The following DENND4C variants were observed in gnomAD, a reference collection of about 807,000 sequenced individuals.
DENND4C encodes DENN domain containing 4C.
In DENND4C, 108 loss-of-function variants were observed where a neutral mutation model predicts 203.0. That is an observed-to-expected ratio of 0.53 (90% confidence interval 0.46 to 0.62). The LOEUF (loss-of-function observed/expected upper bound fraction) is 0.62, where lower values mean the gene tolerates loss of function less well. Among genes scored for constraint, DENND4C ranks in the 20% least tolerant of loss-of-function variants. The pLI is 0.00. For missense variants in DENND4C, 2,481 were observed against 2,301.2 expected (o/e 1.08, Z -1.60); for synonymous variants, 871 against 792.4 (o/e 1.10, Z -1.67).
Position 19,356,992 on chromosome 9 carries a change from C to A in DENND4C, c.4802C>A (p.Thr1601Asn). Residue 1601 changes from threonine to asparagine, a missense_variant, in exon 27 of 33, where the codon ACC becomes AAC. Physicochemically the swap from Thr to Asn is moderately conservative, Grantham distance 65. This residue lies in a region of DENND4C where 2,289 missense variants were observed against 2,113.3 expected (regional missense o/e 1.08). Transcript: ENST00000434457. ...TGTAGCTTTTTCCTGAAACCAAGTA[C>A]CTCTGGTGACAGTTTACAAAGTGGA... Reference protein sequence around the residue: ...GSASFFLKPSTSGDSLQSGSI... With the variant: ...GSASFFLKPSNSGDSLQSGSI... The A allele has an allele frequency of 6.2e-7, 1 of 1,613,776 alleles. No individual in the cohort carries two copies. The highest frequency in any genetic ancestry group is 8.5e-7 in the Non-Finnish European group (1 of 1,179,806).
intron 1 of DENND4C, among the ~76,000 whole-genome samples, chr9:19,275,315 C>CA (rs1832675564): frequency 9.4e-6 from 1 of 106,578 alleles, no homozygotes. Context: ...TTTTTTGAGA[C>CA]AGAGTCTCAC....
intron 1 of DENND4C, among the ~76,000 whole-genome samples, chr9:19,260,186 G>T (rs1196053858): frequency 6.6e-6 from 1 of 152,126 alleles, no homozygotes; most frequent in Non-Finnish European, 1.5e-5. Context: ...TCTCATTTTA[G>T]TTTTGATCAA....
chr9:19,360,402 C>T lies in DENND4C; in HGVS notation c.5319C>T (p.Asn1773=). 6.2e-7 allele frequency: 1 copy of T among 1,614,056 alleles called. No individual in the cohort carries two copies. ...FINQHPIIFW[N]LVWYFRRLDL... ...ATCAACATCCAATCATTTTCTGGAA[C>T]CTCGTTTGGTATTTCAGACGTTTGG... The change falls in exon 29 of 33, where the codon AAC becomes AAT. Residue 1773 remains asparagine, a synonymous_variant. Coordinates refer to ENST00000434457, the MANE Select transcript of DENND4C (RefSeq NM_001330640.2).
rs542086159 is a variant in DENND4C, at chr9:19,369,941, A to G, written c.5629A>G (p.Ile1877Val). ...TCAGCACAATAATGTTCTTAAACCC[A>G]TCAACCTACTTTCACAGCAAATGAA... is the stretch of plus-strand genomic sequence containing the variant. ...SIQHNNVLKP[I>V]NLLSQQMKPG... The change falls in exon 31 of 33, where the codon ATC (isoleucine) becomes GTC (valine). Residue 1877 changes from isoleucine (I) to valine (V), a missense_variant. Transcript: ENST00000434457. 21 of 1,613,972 alleles carry G rather than the reference A, an allele frequency of 1.3e-5. No homozygotes were observed. Among genetic ancestry groups the G allele is most frequent in the Admixed American group, 6.7e-5 (4 of 59,998 alleles).
intron 7 of DENND4C, among the ~76,000 whole-genome samples, chr9:19,298,582 C>T (rs530365004): frequency 2.6e-5 from 4 of 152,150 alleles, no homozygotes; most frequent in South Asian, 4.1e-4. Flanking sequence ...ACATATGCAA[C>T]ATGAACAGGT....
At chr9:19,265,948 T>C (rs1167120618) in intron 1 of DENND4C, among the ~76,000 whole-genome samples, 5 of 152,218 alleles carry the variant, frequency 3.3e-5, no homozygotes, top group African/African-American at 1.2e-4. Flanking sequence ...CAGCATGATT[T>C]TTAATCCTTT....
intron 10 of DENND4C, among the ~76,000 whole-genome samples, chr9:19,306,607 T>A (rs1839703506): frequency 1.3e-5 from 2 of 152,080 alleles, no homozygotes; most frequent in Non-Finnish European, 2.9e-5. Context: ...ATACTCAGAT[T>A]TTTTACCTTA....
intron 20 of DENND4C, among the ~76,000 whole-genome samples, chr9:19,337,216 A>C (rs1279025714): frequency 6.6e-6 from 1 of 152,250 alleles, no homozygotes; most frequent in East Asian, 1.9e-4. Context: ...AGAGGGAAGG[A>C]AGGAAGTCAC....
chr9:19,315,610 C>CGTGT (rs1841687754), intron 10 of DENND4C, among the ~76,000 whole-genome samples: 1 of 148,398 alleles, frequency 6.7e-6, no homozygotes, highest in Non-Finnish European at 1.5e-5. Context: ...TATATATATA[C>CGTGT]ACACACACAT....
rs1828974039 is a variant in DENND4C at position 19,372,236 on chromosome 9, C to A, written c.*63C>A. 1.3e-6 allele frequency: 2 copies of A among 1,548,552 alleles called. No individual in the cohort carries two copies. The highest frequency in any genetic ancestry group is 1.7e-6 in the Non-Finnish European group (2 of 1,147,988). On this transcript the variant is annotated 3_prime_UTR_variant, in exon 33 of 33. Coordinates refer to ENST00000434457, the MANE Select transcript of DENND4C (RefSeq NM_001330640.2). ...GGATTAGATTTCATCTGGAAACATT[C>A]AAGTTTTTTTTTCCAAATCGTAAGA... is the stretch of plus-strand genomic sequence containing the variant.
intron 4 of DENND4C, among the ~76,000 whole-genome samples, chr9:19,290,076 G>GAAATCTCTATATATA (rs1835978880): frequency 2.0e-5 from 3 of 152,078 alleles, no homozygotes; most frequent in Non-Finnish European, 4.4e-5. Flanking sequence ...ACTTAGAGAT[G>GAAATCTCTATATATA]GTCTATATAT....
chr9:19,316,633 C>T lies in DENND4C; in HGVS notation c.1601C>T (p.Thr534Ile), dbSNP rs772317272. 6.2e-7 allele frequency: 1 copy of T among 1,613,276 alleles called. No individual in the cohort carries two copies. Among genetic ancestry groups the T allele is most frequent in the Non-Finnish European group, 8.5e-7 (1 of 1,179,760 alleles). Residue 534 changes from threonine (T) to isoleucine (I), a missense_variant, in exon 12 of 33, where the codon ACT (threonine) becomes ATT (isoleucine). Physicochemically the swap from Thr to Ile is moderately conservative, Grantham distance 89 (BLOSUM62 -1). Around this residue, in one of 3 missense-constraint regions of DENND4C, gnomAD observed 2,289 missense variants for 2,113.3 expected, o/e 1.08. Coordinates refer to ENST00000434457, the MANE Select transcript of DENND4C (RefSeq NM_001330640.2). The part of the protein sequence containing the change: ...YPQLSSVHQK[T>I]QEGSAIDMTP... ...TTTCCTTTGTTAGTTCACCAAAAAA[C>T]TCAAGAAGGCTCAGCGATTGACATG...
At chr9:19,342,576 G>A (rs2131948855) in intron 21 of DENND4C, 57 bp from the exon 22 acceptor site, 1 of 1,504,670 alleles carries the variant, frequency 6.6e-7, no homozygotes, top group Non-Finnish European at 8.9e-7. Flanking sequence ...TCAATATATG[G>A]TTTCTGTTTA....
In DENND4C at chr9:19,248,637, G is replaced by A. The variant is rs183495043; in HGVS notation, c.-18+17804G>A. Among the ~76,000 whole-genome samples the A allele has an allele frequency of 8.5e-4, 129 of 152,092 alleles. 1 individual carries two copies. Among genetic ancestry groups the A allele is most frequent in the Middle Eastern group, 3.4e-3 (1 of 294 alleles). On this transcript the variant is annotated intron_variant, in intron 1 of 32. Coordinates refer to ENST00000434457, the MANE Select transcript of DENND4C (RefSeq NM_001330640.2). ...ACTCCCGACCTCAGATGATCTGCCC[G>A]CCTCAGCTTCCCTAAATGCTGGGAT...
At chr9:19,292,560 T>C (rs1194768271) in intron 5 of DENND4C, 1 of 150,584 alleles carries the variant, frequency 6.6e-6, no homozygotes, top group Non-Finnish European at 1.5e-5. Flanking sequence ...TTTTTTTTTT[T>C]TTGAGACGAA....
At chr9:19,370,687 T>TA (rs1828663880) in intron 31 of DENND4C, among the ~76,000 whole-genome samples, 1 of 152,340 alleles carries the variant, frequency 6.6e-6, no homozygotes. Context: ...AGCAAAGAGA[T>TA]AGACGCAGTG....
intron 1 of DENND4C, among the ~76,000 whole-genome samples, chr9:19,244,512 G>A (rs1023965572): frequency 2.6e-5 from 4 of 151,502 alleles, no homozygotes; most frequent in African/African-American, 7.3e-5. Flanking sequence ...AGGCTGAGGC[G>A]GGAGGAGCAT....
Position 19,248,112 on chromosome 9 carries a change from C to G in DENND4C, c.-18+17279C>G, listed in dbSNP as rs999456240. Among the ~76,000 whole-genome samples the G allele has an allele frequency of 1.4e-4, 22 of 152,268 alleles. 2 individuals are homozygous for G. Among genetic ancestry groups the G allele is most frequent in the Admixed American group, 4.6e-4 (7 of 15,292 alleles). ...AACATAAATGGTAACATGTCACTCT[C>G]ATTTGAAGGCCCCTCATAGTTTTTC... On this transcript the variant is annotated intron_variant, in intron 1 of 32. Coordinates refer to ENST00000434457, the MANE Select transcript of DENND4C (RefSeq NM_001330640.2).
At chr9:19,304,596 G>T (rs201783221) in intron 9 of DENND4C, among the ~76,000 whole-genome samples, 12 of 151,192 alleles carry the variant, frequency 7.9e-5, no homozygotes, top group African/African-American at 2.2e-4. Flanking sequence ...GAGTGCAGTG[G>T]CACAGTCTCT....
Sources: gnomAD v4.1 joint callset for allele counts (sites outside exome capture counted in the v4.1 genomes callset) on GRCh38, gnomAD v4.1.1 for gene constraint, gnomAD v4.1.1 regional missense constraint, MANE v1.5 for transcripts, NCBI Gene and HGNC (gene_info 2026-07-23, HGNC 2026-07-21) for gene names.